The following ZBTB44 variants were observed in gnomAD, a reference collection of about 807,000 sequenced individuals.
ZBTB44 encodes zinc finger and BTB domain containing 44.
Under a neutral mutation model 54.0 loss-of-function variants are expected in ZBTB44, and 15 were observed. The ratio of observed to expected loss-of-function variants is 0.28; its 90% CI spans 0.19 to 0.43. ZBTB44 has a LOEUF of 0.43. ZBTB44 is among the 20% of genes least tolerant of loss of function. The probability of loss-of-function intolerance (pLI) is 1.00; values close to 1 mark genes in which losing one functional copy is unlikely to be tolerated. For synonymous variants in ZBTB44, 230 were observed against 250.1 expected (o/e 0.92, Z 0.76); for missense variants, 487 against 707.1 (o/e 0.69, Z 3.53).
intron 2 of ZBTB44, among the ~76,000 whole-genome samples, chr11:130,246,292 T>A (rs1954645229): frequency 6.6e-6 from 1 of 152,164 alleles, no homozygotes; most frequent in Admixed American, 6.5e-5. Context: ...CACACACATA[T>A]ATATATACAC....
At chr11:130,281,241 C>A (rs567633814) in intron 1 of ZBTB44, among the ~76,000 whole-genome samples, 2 of 152,080 alleles carry the variant, frequency 1.3e-5, no homozygotes, top group Non-Finnish European at 2.9e-5. Flanking sequence ...GAAAACAGGC[C>A]GGGCGCGGTG....
chr11:130,300,323 C>T (rs531487532), intron 1 of ZBTB44, among the ~76,000 whole-genome samples: 5 of 151,630 alleles, frequency 3.3e-5, no homozygotes, highest in African/African-American at 7.3e-5. Context: ...TTTTATGTTA[C>T]GTGTATTTCA....
In ZBTB44 at chr11:130,227,641, A is replaced by G. The variant is rs1194978421; in HGVS notation, c.*4123T>C. On this transcript the variant is annotated 3_prime_UTR_variant, in exon 8 of 8. Transcript: ENST00000357899. ...AGACCATGGTGTACAGTTTCCGCCT[A>G]GGCTGGCTGCACTAGGAAGTACTCC... 1 of 152,220 alleles carries G rather than the reference A, an allele frequency of 6.6e-6. No individual in the cohort carries two copies. The highest frequency in any genetic ancestry group is 1.5e-5 in the Non-Finnish European group (1 of 68,032). The allele number at this position is 152,220 out of a possible 1,614,324, so 9.4% of individuals were successfully genotyped here.
chr11:130,234,541 A>G (rs1954022286), intron 5 of ZBTB44, among the ~76,000 whole-genome samples: 1 of 152,348 alleles, frequency 6.6e-6, no homozygotes, highest in South Asian at 2.1e-4. Flanking sequence ...ACACCTTAAC[A>G]GCCTTTCTTG....
Position 130,296,539 on chromosome 11 carries a change from T to C in ZBTB44, c.-57+17836A>G, listed in dbSNP as rs1178155922. The C allele has an allele frequency of 2.5e-5, 22 of 888,640 alleles. No individual in the cohort carries two copies. The South Asian group carries it at 3.3e-4, about 13-fold the overall frequency. The allele number at this position is 888,640 out of a possible 1,614,324, so 55.0% of individuals were successfully genotyped here. ...ACATTCCTCAAGTCAACTGGATTGT[T>C]CACTATGACCATCCGGATGACCCTA... On this transcript the variant is annotated intron_variant, in intron 1 of 7. Coordinates refer to ENST00000357899, the MANE Select transcript of ZBTB44 (RefSeq NM_001301098.2).
intron 1 of ZBTB44, among the ~76,000 whole-genome samples, chr11:130,265,759 C>A (rs1285500647): frequency 6.6e-6 from 1 of 152,158 alleles, no homozygotes; most frequent in Non-Finnish European, 1.5e-5. Context: ...CCTAATCCAG[C>A]GCAAGGCCAT....
intron 1 of ZBTB44, among the ~76,000 whole-genome samples, chr11:130,267,004 C>G: frequency 6.6e-6 from 1 of 151,974 alleles, no homozygotes; most frequent in Admixed American, 6.6e-5. Context: ...AATGGCTCAC[C>G]CTATAATCCC....
chr11:130,300,579 G>T (rs1279561593), intron 1 of ZBTB44, among the ~76,000 whole-genome samples: 2 of 152,180 alleles, frequency 1.3e-5, no homozygotes. Context: ...AGGGAAACCT[G>T]TGAAAGAGAT....
chr11:130,232,600 C>T (rs962094430), intron 7 of ZBTB44: 1 of 152,102 alleles, frequency 6.6e-6, no homozygotes, highest in Non-Finnish European at 1.5e-5. Flanking sequence ...TTCATTGTTG[C>T]CTACGTTGTG....
At chr11:130,248,891 G>T (rs1392193233) in intron 2 of ZBTB44, among the ~76,000 whole-genome samples, 1 of 152,100 alleles carries the variant, frequency 6.6e-6, no homozygotes, top group East Asian at 1.9e-4. Context: ...ATCACTTGAA[G>T]TCAGGAGTTT....
intron 1 of ZBTB44, among the ~76,000 whole-genome samples, chr11:130,270,986 C>A (rs74813505): frequency 0.063 from 9,503 of 152,038 alleles, 739 homozygotes; most frequent in African/African-American, 0.18. Flanking sequence ...TGTACGGGGA[C>A]GAAGGGCAGA....
intron 7 of ZBTB44, chr11:130,232,281 G>C (rs187427437): frequency 6.6e-6 from 1 of 152,146 alleles, no homozygotes; most frequent in African/African-American, 2.4e-5. Context: ...TGTATTTTCT[G>C]TCTATCAAAT....
rs1938892637 is a variant in ZBTB44 at position 130,261,967 on chromosome 11, T to C, written c.-56-38A>G. On this transcript the variant is annotated intron_variant, in intron 1 of 7. Transcript: ENST00000357899. The surrounding 1 kb of genome is among the most constrained non-coding windows in gnomAD (Gnocchi z 4.8). Reference sequence around the variant, plus strand: ...TAAAATAAAGCATTAATTGATATTTTAGTGGTTTAAAATGTGATTTAGATC... The same window carrying C: ...TAAAATAAAGCATTAATTGATATTTCAGTGGTTTAAAATGTGATTTAGATC... 7.3e-7 allele frequency: 1 copy of C among 1,365,912 alleles called. No homozygotes were observed. The allele number at this position is 1,365,912 out of a possible 1,614,324, so 84.6% of individuals were successfully genotyped here.
intron 1 of ZBTB44, among the ~76,000 whole-genome samples, chr11:130,313,948 GTATATATATA>G (rs66987405): frequency 6.9e-6 from 1 of 145,538 alleles, no homozygotes; most frequent in Admixed American, 6.8e-5. Context: ...TTGTGTGTGT[GTATATATATA>G]TATATATATT....
At position 130,261,131 on chromosome 11, in the gene ZBTB44, G is replaced by C. The variant is rs139630658; in HGVS notation, c.743C>G (p.Ala248Gly). 1.5e-5 allele frequency: 25 copies of C among 1,613,828 alleles called. No individual in the cohort carries two copies. The African/African-American group carries it at 3.1e-4, about 20-fold the overall frequency. The change falls in exon 2 of 8, where the codon GCA (alanine) becomes GGA (glycine). Residue 248 changes from alanine (A) to glycine (G), a missense_variant. This residue lies in a region of ZBTB44 where 277 missense variants were observed against 306.5 expected (regional missense o/e 0.90). Transcript: ENST00000357899. This position sits in a 1 kb window ranked among gnomAD's most constrained non-coding sequence, Gnocchi z 4.8. ...RRIQPEKVKQ[A>G]ENTRTLELPG... ...TAATTCTAAAGTCCGGGTATTTTCT[G>C]CTTGCTTAACTTTCTCAGGCTGAAT...
intron 2 of ZBTB44, among the ~76,000 whole-genome samples, chr11:130,257,968 GATC>G (rs1260405849): frequency 5.9e-5 from 9 of 152,104 alleles, no homozygotes; most frequent in African/African-American, 1.9e-4. Flanking sequence ...GACACTGCTT[GATC>G]ATCATCCAAG....
intron 2 of ZBTB44, among the ~76,000 whole-genome samples, chr11:130,245,884 A>T (rs901484864): frequency 6.6e-6 from 1 of 152,254 alleles, no homozygotes; most frequent in Admixed American, 6.5e-5. Flanking sequence ...GGTTGAAAAG[A>T]ACTAAAATGC....
chr11:130,297,137 T>C (rs1941699597), intron 1 of ZBTB44, among the ~76,000 whole-genome samples: 1 of 152,252 alleles, frequency 6.6e-6, no homozygotes. Flanking sequence ...TTGTAGCCTT[T>C]AGAATTTAAA....
chr11:130,308,885 A>G (rs1275742327), intron 1 of ZBTB44, among the ~76,000 whole-genome samples: 1 of 152,226 alleles, frequency 6.6e-6, no homozygotes, highest in Admixed American at 6.5e-5. Flanking sequence ...GTGGAGTCCT[A>G]GTAAGGGAAA....
Sources: allele counts gnomAD v4.1 joint callset (sites outside exome capture counted in the v4.1 genomes callset), GRCh38; gene constraint gnomAD v4.1.1; regional missense constraint gnomAD v4.1.1; non-coding constraint Gnocchi (gnomAD v3.1); transcripts MANE v1.5; gene names NCBI Gene and HGNC (gene_info 2026-07-23, HGNC 2026-07-21).